SLC14A2: variants seen among roughly 807,000 people sequenced by gnomAD.
SLC14A2 encodes the protein urea transporter 2.
Under a neutral mutation model 104.6 loss-of-function variants are expected in SLC14A2, and 91 were observed. The observed-to-expected ratio is 0.87, with a 90% CI of 0.73 to 1.04. SLC14A2 has a LOEUF of 1.04. SLC14A2 is among the 50% of genes least tolerant of loss of function. SLC14A2 has a pLI of 0.00. For missense variants in SLC14A2, 1,189 were observed against 1,156.0 expected (o/e 1.03, Z -0.41); for synonymous variants, 476 against 466.4 (o/e 1.02, Z -0.27).
chr18:45,370,603 T>C (rs2085712521), intron 1 of SLC14A2, among the ~76,000 whole-genome samples: 1 of 151,916 alleles, frequency 6.6e-6, no homozygotes, highest in Admixed American at 6.6e-5. Context: ...CTGAGAAAAT[T>C]TTTGCAGGTT....
intron 2 of SLC14A2, among the ~76,000 whole-genome samples, chr18:45,554,185 G>A (rs573190802): frequency 1.2e-4 from 18 of 152,298 alleles, no homozygotes; most frequent in East Asian, 3.9e-4. Flanking sequence ...TGGCTTCCAC[G>A]TGATATGAGA....
At chr18:45,677,132 TTCC>T (rs2046240600) in intron 18 of SLC14A2, among the ~76,000 whole-genome samples, 1 of 152,220 alleles carries the variant, frequency 6.6e-6, no homozygotes. Flanking sequence ...TCTTCTATCC[TTCC>T]TCCTCTCTCC....
At chr18:45,208,319 G>T (rs1032710574), upstream of SLC14A2, among the ~76,000 whole-genome samples, 1 of 152,100 alleles carries the variant, frequency 6.6e-6, no homozygotes, top group Non-Finnish European at 1.5e-5. Flanking sequence ...AAGCTTTGTC[G>T]TGATAAAGTT....
intron 1 of SLC14A2, among the ~76,000 whole-genome samples, chr18:45,410,813 T>C (rs868252459): frequency 9.1e-4 from 138 of 152,364 alleles, no homozygotes; most frequent in South Asian, 2.3e-3. Flanking sequence ...CCTTCTTGCA[T>C]TGGCAGACTT....
intron 1 of SLC14A2, chr18:45,447,327 G>A (rs796796585): frequency 5.3e-5 from 8 of 152,332 alleles, no homozygotes; most frequent in African/African-American, 1.9e-4. Context: ...GGATAACCAG[G>A]TATTCCGCTT....
At chr18:45,394,382 ACT>A (rs1425067338) in intron 1 of SLC14A2, among the ~76,000 whole-genome samples, 1 of 152,140 alleles carries the variant, frequency 6.6e-6, no homozygotes, top group Non-Finnish European at 1.5e-5. Context: ...AAATAGACAG[ACT>A]CTGAATCCAG....
At chr18:45,215,755 G>A (rs2084004626) in intron 1 of SLC14A2, among the ~76,000 whole-genome samples, 2 of 152,172 alleles carry the variant, frequency 1.3e-5, no homozygotes, top group Admixed American at 6.5e-5. Context: ...CTGTGGTTAC[G>A]ATTATTAATA....
At chr18:45,471,676 G>C (rs1198286415) in intron 1 of SLC14A2, among the ~76,000 whole-genome samples, 1 of 151,976 alleles carries the variant, frequency 6.6e-6, no homozygotes, top group African/African-American at 2.4e-5. Flanking sequence ...GTCTTGAGCA[G>C]TTTCTTTTCA....
chr18:45,272,801 G>A (rs954557863), intron 1 of SLC14A2, among the ~76,000 whole-genome samples: 1 of 152,000 alleles, frequency 6.6e-6, no homozygotes, highest in Non-Finnish European at 1.5e-5. Context: ...TTGAGGGGAT[G>A]GATACCCCAT....
intron 1 of SLC14A2, among the ~76,000 whole-genome samples, chr18:45,216,815 G>C (rs1310973116): frequency 6.6e-6 from 1 of 152,164 alleles, no homozygotes; most frequent in Non-Finnish European, 1.5e-5. Flanking sequence ...GGCCCAAGAA[G>C]GTTAGGGCCT....
chr18:45,447,247 C>T (rs1426394420), intron 1 of SLC14A2: 3 of 152,178 alleles, frequency 2.0e-5, no homozygotes, highest in Non-Finnish European at 4.4e-5. Context: ...CTTTTGATGA[C>T]AACCTTACCT....
chr18:45,311,889 T>G (rs577812210), intron 1 of SLC14A2, among the ~76,000 whole-genome samples: 5 of 152,218 alleles, frequency 3.3e-5, no homozygotes, highest in African/African-American at 1.2e-4. Flanking sequence ...GGCCAAGACG[T>G]GGGAGATGAG....
chr18:45,441,178 T>A (rs2086677229), intron 1 of SLC14A2, among the ~76,000 whole-genome samples: 1 of 152,178 alleles, frequency 6.6e-6, no homozygotes, highest in Non-Finnish European at 1.5e-5. Flanking sequence ...TGTTCCAGCC[T>A]CACTGCTCAG....
chr18:45,384,084 G>GC (rs1459396000), intron 1 of SLC14A2, among the ~76,000 whole-genome samples: 1 of 152,188 alleles, frequency 6.6e-6, no homozygotes, highest in Non-Finnish European at 1.5e-5. Context: ...AGACATGCTA[G>GC]CATAGGCACT....
intron 2 of SLC14A2, among the ~76,000 whole-genome samples, chr18:45,490,479 A>T (rs2087701331): frequency 6.6e-6 from 1 of 152,380 alleles, no homozygotes; most frequent in South Asian, 2.1e-4. Context: ...ATGGATTAAA[A>T]GTTAAAGTAA....
chr18:45,509,480 C>T (rs1173721177), intron 2 of SLC14A2, among the ~76,000 whole-genome samples: 1 of 151,998 alleles, frequency 6.6e-6, no homozygotes, highest in Non-Finnish European at 1.5e-5. Flanking sequence ...CTCAGTAAGC[C>T]TCAGTTCTAG....
chr18:45,202,798 A>G, the SLC14A2 span, among the ~76,000 whole-genome samples: 1 of 152,170 alleles, frequency 6.6e-6, no homozygotes, highest in Non-Finnish European at 1.5e-5. Context: ...ATAGCCAATT[A>G]GTTTCTCAAA....
the SLC14A2 span, among the ~76,000 whole-genome samples, chr18:45,206,612 T>C: frequency 6.6e-6 from 1 of 152,314 alleles, no homozygotes; most frequent in East Asian, 1.9e-4. Context: ...CTATTGCAAA[T>C]CTCTTATTAT....
chr18:45,328,953 A>G (rs1271531213), intron 1 of SLC14A2, among the ~76,000 whole-genome samples: 1 of 152,206 alleles, frequency 6.6e-6, no homozygotes, highest in Non-Finnish European at 1.5e-5. Context: ...TTCAGATTCC[A>G]AAAGTAGAGA....
Sources: allele counts gnomAD v4.1 joint callset (sites outside exome capture counted in the v4.1 genomes callset), GRCh38; gene constraint gnomAD v4.1.1; transcripts MANE v1.5; gene names NCBI Gene and HGNC (gene_info 2026-07-23, HGNC 2026-07-21).